Variants in TXNL1 observed in about 807,000 individuals in gnomAD.
TXNL1 encodes the protein thioredoxin like 1, also known as thioredoxin-like protein 1.
TXNL1 carries 14 observed loss-of-function variants against 35.5 expected under a neutral mutation model. The observed-to-expected ratio is 0.39, with a 90% CI of 0.26 to 0.62. The LOEUF (loss-of-function observed/expected upper bound fraction) is 0.62, where lower values mean the gene tolerates loss of function less well. Ranked by LOEUF, TXNL1 falls within the 20% of genes least tolerant of loss-of-function variation. The pLI is 0.47. For missense variants in TXNL1, 263 were observed against 349.7 expected, an observed-to-expected ratio of 0.75 and a Z score of 1.98; for synonymous variants, 110 against 115.5, an observed-to-expected ratio of 0.95 and a Z score of 0.31.
rs1278948819 is a variant in TXNL1 at position 56,600,762 on chromosome 18, CAGA to C, written c.*2262_*2264del. Reference sequence around the variant, plus strand: ...GTGGGGCTTGATGTCAAAGAGAACTCAGAAGGATTATAAAAGCCTGTCGTGGGC... The same window carrying C: ...GTGGGGCTTGATGTCAAAGAGAACTCAGGATTATAAAAGCCTGTCGTGGGC... On this transcript the variant is annotated 3_prime_UTR_variant, in exon 8 of 8. Transcript: ENST00000217515. 1.3e-5 allele frequency: 2 copies of C among 152,232 alleles called. No homozygotes were observed. The highest frequency in any genetic ancestry group is 3.9e-4 in the East Asian group (2 of 5,192). 9.4% of individuals were successfully genotyped at this position (152,232 alleles called of 1,614,324 possible). A position where few individuals can be genotyped will look rare whatever the true frequency, so the allele number is the denominator to read the frequency against.
chr18:56,604,571 C>A (rs2023858653), intron 7 of TXNL1: 2 of 152,128 alleles, frequency 1.3e-5, no homozygotes, highest in Non-Finnish European at 1.5e-5. Flanking sequence ...TATTACACCT[C>A]AGACAAACCA....
chr18:56,623,425 C>CAAA (rs74182150), intron 3 of TXNL1, among the ~76,000 whole-genome samples: 3 of 96,926 alleles, frequency 3.1e-5, no homozygotes, highest in African/African-American at 4.8e-5. Flanking sequence ...GACTCCGCCT[C>CAAA]AAAAAAAAAA....
At chr18:56,629,617 GCACAATGAACAGTTAGTAT>G (rs2024339813) in intron 1 of TXNL1, among the ~76,000 whole-genome samples, 2 of 152,164 alleles carry the variant, frequency 1.3e-5, no homozygotes, top group Admixed American at 1.3e-4. Context: ...ACAGAGACAG[GCACAATGAACAGTTAGTAT>G]CCATAATTCT....
Position 56,601,452 on chromosome 18 carries a change from T to C in TXNL1, c.*1575A>G, listed in dbSNP as rs1407712002. The C allele has an allele frequency of 6.6e-6, 1 of 152,222 alleles. No individual in the cohort carries two copies. The highest frequency in any genetic ancestry group is 6.5e-5 in the Admixed American group (1 of 15,288). 9.4% of individuals were successfully genotyped at this position (152,222 alleles called of 1,614,324 possible). ...CACTTTAACAATTACTCAGAAAGGT[T>C]AAGTGTACAAAACTGTAAACCAAAA... On this transcript the variant is annotated 3_prime_UTR_variant, in exon 8 of 8. Coordinates refer to ENST00000217515, the MANE Select transcript of TXNL1 (RefSeq NM_004786.3).
Position 56,624,310 on chromosome 18 carries a change from T to A in TXNL1, c.347A>T (p.Asp116Val), listed in dbSNP as rs372650018. 1.2e-6 allele frequency: 2 copies of A among 1,613,708 alleles called. No individual in the cohort carries two copies. Among genetic ancestry groups the A allele is most frequent in the Non-Finnish European group, 1.7e-6 (2 of 1,179,826 alleles). Residue 116 changes from aspartate (D) to valine (V), a missense_variant, in exon 3 of 8, where the codon GAC becomes GTC. Physicochemically the swap from Asp to Val is radical, Grantham distance 152 (BLOSUM62 -3). Coordinates refer to ENST00000217515, the MANE Select transcript of TXNL1 (RefSeq NM_004786.3). Reference protein sequence around the residue: ...HLENDPGSNEDTDIPKGYMDL... With the variant: ...HLENDPGSNEVTDIPKGYMDL... The stretch of plus-strand genomic sequence containing the variant: ...TACATAGCCTTTTGGAATATCTGTG[T>A]CCTCATTGCTTCCAGGGTCATTTTC...
Position 56,600,367 on chromosome 18 carries a change from T to G in TXNL1, c.*2660A>C, listed in dbSNP as rs1028029620. ...CAACTCTAATTGTTACGTGGCTGCC[T>G]CCAACAGAATATTGAGACTGGGGAA... On this transcript the variant is annotated 3_prime_UTR_variant, in exon 8 of 8. Coordinates refer to ENST00000217515, the MANE Select transcript of TXNL1 (RefSeq NM_004786.3). 2 of 149,766 alleles carry G rather than the reference T, an allele frequency of 1.3e-5. No individual in the cohort carries two copies. The highest frequency in any genetic ancestry group is 3.0e-5 in the Non-Finnish European group (2 of 67,582). 9.3% of individuals were successfully genotyped at this position (149,766 alleles called of 1,614,324 possible). A position where few individuals can be genotyped will look rare whatever the true frequency, so the allele number is the denominator to read the frequency against.
chr18:56,608,478 G>A (rs1350311547), intron 7 of TXNL1: 1 of 152,204 alleles, frequency 6.6e-6, no homozygotes, highest in African/African-American at 2.4e-5. Context: ...AAGGGGCTAA[G>A]AAGCCCAGAA....
intron 3 of TXNL1, among the ~76,000 whole-genome samples, chr18:56,621,228 A>G (rs2024178180): frequency 6.7e-6 from 1 of 150,250 alleles, no homozygotes; most frequent in African/African-American, 2.4e-5. Flanking sequence ...TTTTTGAAAC[A>G]AAGTCTCCCT....
At chr18:56,613,733 C>A (rs940102656) in intron 6 of TXNL1, among the ~76,000 whole-genome samples, 1 of 152,076 alleles carries the variant, frequency 6.6e-6, no homozygotes, top group Admixed American at 6.6e-5. Context: ...ATCACCTGAG[C>A]CCAGTAGATC....
intron 1 of TXNL1, among the ~76,000 whole-genome samples, chr18:56,627,130 TTGAG>T (rs2024298749): frequency 6.6e-6 from 1 of 152,062 alleles, no homozygotes; most frequent in Middle Eastern, 3.2e-3. Flanking sequence ...TCTGGTCTAT[TTGAG>T]TAAGTTATTT....
intron 4 of TXNL1, among the ~76,000 whole-genome samples, chr18:56,616,968 G>A (rs1007808725): frequency 2.0e-5 from 3 of 152,124 alleles, no homozygotes; most frequent in Admixed American, 2.0e-4. Flanking sequence ...TTTGATGTAC[G>A]TACCTATGCA....
At chr18:56,617,267 AAAT>A (rs1201192714) in intron 4 of TXNL1, among the ~76,000 whole-genome samples, 8 of 152,232 alleles carry the variant, frequency 5.3e-5, no homozygotes, top group African/African-American at 1.9e-4. Context: ...GTGTATCAAA[AAAT>A]AATAAGCATG....
intron 7 of TXNL1, chr18:56,609,841 A>G (rs2023962536): frequency 6.6e-6 from 1 of 152,256 alleles, no homozygotes; most frequent in African/African-American, 2.4e-5. Context: ...TCTAAAGTGC[A>G]TAATTATTCC....
chr18:56,601,324 T>C lies in TXNL1; in HGVS notation c.*1703A>G, dbSNP rs577279829. 6.6e-6 allele frequency: 1 copy of C among 152,310 alleles called. No homozygotes were observed. The highest frequency in any genetic ancestry group is 2.4e-5 in the African/African-American group (1 of 41,578). 9.4% of individuals were successfully genotyped at this position (152,310 alleles called of 1,614,324 possible). ...TGTTATAGAAGAGTCACATAGACAA[T>C]ATAAATCTGATGTCCAATCCTTTAC... On this transcript the variant is annotated 3_prime_UTR_variant, in exon 8 of 8. Transcript: ENST00000217515.
intron 1 of TXNL1, among the ~76,000 whole-genome samples, chr18:56,626,797 C>CTTTTTT (rs386387792): frequency 0.19 from 10,549 of 54,884 alleles, 2,756 homozygotes; most frequent in Non-Finnish European, 0.26. Context: ...CCAAGCCGGT[C>CTTTTTT]TTTTTTTTTT....
At chr18:56,611,277 A>T (rs1418322745) in intron 6 of TXNL1, among the ~76,000 whole-genome samples, 180 bp from the exon 7 acceptor site, 1 of 152,094 alleles carries the variant, frequency 6.6e-6, no homozygotes. Context: ...AGGTGGGCAG[A>T]TCACCTGAGG....
chr18:56,631,342 A>G (rs2024367247), intron 1 of TXNL1, among the ~76,000 whole-genome samples: 1 of 152,196 alleles, frequency 6.6e-6, no homozygotes, highest in Non-Finnish European at 1.5e-5. Context: ...TGCACCCAGT[A>G]TGCTTGAATT....
At chr18:56,628,639 C>G (rs2024323884) in intron 1 of TXNL1, among the ~76,000 whole-genome samples, 6 of 152,088 alleles carry the variant, frequency 3.9e-5, no homozygotes, top group Admixed American at 3.9e-4. Flanking sequence ...TATCAGAAAT[C>G]AAGACAATGG....
rs564363805 is a variant in TXNL1, at chr18:56,625,567, T to C, written c.195+794A>G. Among the ~76,000 whole-genome samples, 6 of 152,320 alleles carry C rather than the reference T, an allele frequency of 3.9e-5. No homozygotes were observed. The East Asian group carries it at 1.2e-3, about 29-fold the overall frequency. ...CTCCAGGAGAAAAGCATTTTCATTC[T>C]AGAAATAGTGATTAAATCAGGGGCC... On this transcript the variant is annotated intron_variant, in intron 2 of 7. Coordinates refer to ENST00000217515, the MANE Select transcript of TXNL1 (RefSeq NM_004786.3).
Sources: allele counts gnomAD v4.1 joint callset (sites outside exome capture counted in the v4.1 genomes callset), GRCh38; gene constraint gnomAD v4.1.1; transcripts MANE v1.5; gene names NCBI Gene and HGNC (gene_info 2026-07-23, HGNC 2026-07-21).